CASP8: variants seen among roughly 807,000 people sequenced by gnomAD.
CASP8 encodes the protein caspase-8.
A neutral mutation model predicts 46.3 loss-of-function variants in CASP8; 24 were observed. That is an observed-to-expected ratio of 0.52 (90% CI 0.38 to 0.73). CASP8 has a LOEUF of 0.73. CASP8 is among the 30% of genes least tolerant of loss of function. The pLI is 0.00. For missense variants in CASP8, 460 were observed against 559.0 expected, an observed-to-expected ratio of 0.82 and a Z score of 1.79; for synonymous variants, 188 against 200.4, an observed-to-expected ratio of 0.94 and a Z score of 0.52.
intron 2 of CASP8, among the ~76,000 whole-genome samples, chr2:201,236,685 C>T (rs1250987657): frequency 6.6e-6 from 1 of 152,060 alleles, no homozygotes; most frequent in East Asian, 1.9e-4. Context: ...ACCGCAGACT[C>T]AACCTCCCAG....
intron 2 of CASP8, among the ~76,000 whole-genome samples, chr2:201,253,735 A>C (rs957085040): frequency 4.6e-5 from 7 of 152,146 alleles, no homozygotes; most frequent in African/African-American, 1.7e-4. Flanking sequence ...GGGTATGGGC[A>C]TATAGTGCCT....
Position 201,274,779 on chromosome 2 carries a change from A to AATT in CASP8, c.596-109_596-107dup. ...GGCGTGAGCCCCTGTTCCCAGCTTG[A>AATT]ATTTTCATCTTAAAAAAGACCTTAT... On this transcript the variant is annotated intron_variant, in intron 5 of 8. Transcript: ENST00000673742. The AATT allele has an allele frequency of 3.3e-6, 3 of 896,918 alleles. No homozygotes were observed. In the South Asian group the frequency reaches 4.3e-5, roughly 13 times the overall value. 55.6% of individuals were successfully genotyped at this position (896,918 alleles called of 1,614,324 possible). A position where few individuals can be genotyped will look rare whatever the true frequency, so the allele number is the denominator to read the frequency against.
chr2:201,255,044 T>C (rs13402616), intron 2 of CASP8, among the ~76,000 whole-genome samples: 23,570 of 152,238 alleles, frequency 0.15, 3,192 homozygotes, highest in African/African-American at 0.36. Context: ...TGCTTCACAA[T>C]AGGAATTCAA....
intron 2 of CASP8, among the ~76,000 whole-genome samples, chr2:201,249,065 T>A (rs1411340870): frequency 6.6e-6 from 1 of 152,162 alleles, no homozygotes; most frequent in Non-Finnish European, 1.5e-5. Context: ...CCAATTTTTG[T>A]ATTTTTAGTA....
At chr2:201,273,055 T>TTTA in intron 5 of CASP8, 113 bp downstream of exon 5, 5 of 831,352 alleles carry the variant, frequency 6.0e-6, no homozygotes, top group Non-Finnish European at 9.4e-6. Context: ...TGCTCTACTT[T>TTTA]TTCTTTTTTT....
chr2:201,285,893 C>T (rs1949534948), intron 8 of CASP8, among the ~76,000 whole-genome samples: 2 of 152,128 alleles, frequency 1.3e-5, no homozygotes, highest in Non-Finnish European at 2.9e-5. Context: ...TGAGAATTTC[C>T]CGTAACTTAG....
chr2:201,286,403 A>G lies in CASP8; in HGVS notation c.1305-56A>G. 1.9e-6 allele frequency: 3 copies of G among 1,587,652 alleles called. No homozygotes were observed. In the South Asian group the frequency reaches 3.3e-5, roughly 18 times the overall value. On this transcript the variant is annotated intron_variant, in intron 8 of 8. Coordinates refer to ENST00000673742, the MANE Select transcript of CASP8 (RefSeq NM_001372051.1). The stretch of plus-strand genomic sequence containing the variant: ...TATCTCTGAGCACAGCAGAGGAGAC[A>G]GTTCATCAGTTGCTTTCCCCCACAG...
intron 2 of CASP8, among the ~76,000 whole-genome samples, chr2:201,249,358 C>T (rs1161141265): frequency 6.6e-6 from 1 of 152,146 alleles, no homozygotes; most frequent in African/African-American, 2.4e-5. Context: ...CACCTTTACC[C>T]ATGTATCAAG....
In CASP8 at chr2:201,272,971, T is replaced by C; in HGVS notation, c.595+29T>C. On this transcript the variant is annotated intron_variant, in intron 5 of 8. Transcript: ENST00000673742. This position sits in a 1 kb window ranked among gnomAD's most constrained non-coding sequence, Gnocchi z 4.4. ...ATGCTTGGAGATACATTTTCAAGAT[T>C]TAGTTAATTTACTATCTGGTACCTG... 1 of 1,601,066 alleles carries C rather than the reference T, an allele frequency of 6.2e-7. No homozygotes were observed. Among genetic ancestry groups the C allele is most frequent in the Non-Finnish European group, 8.6e-7 (1 of 1,168,758 alleles).
rs1948333857 is a variant in CASP8 at position 201,272,506 on chromosome 2, C to A, written c.412-132C>A. 1 of 967,172 alleles carries A rather than the reference C, an allele frequency of 1.0e-6. No individual in the cohort carries two copies. The highest frequency in any genetic ancestry group is 1.6e-6 in the Non-Finnish European group (1 of 625,324). 59.9% of individuals were successfully genotyped at this position (967,172 alleles called of 1,614,324 possible). A position where few individuals can be genotyped will look rare whatever the true frequency, so the allele number is the denominator to read the frequency against. On this transcript the variant is annotated intron_variant, in intron 3 of 8. Coordinates refer to ENST00000673742, the MANE Select transcript of CASP8 (RefSeq NM_001372051.1). This position sits in a 1 kb window ranked among gnomAD's most constrained non-coding sequence, Gnocchi z 4.4. ...TAGCCTGCTGGCTGTGAGAGACCAGCAGAAACTGTCAGAAACTTGGGAAGC... is the reference window on the plus strand; with the variant it reads ...TAGCCTGCTGGCTGTGAGAGACCAGAAGAAACTGTCAGAAACTTGGGAAGC...
At chr2:201,238,906 A>G (rs1393791595) in intron 2 of CASP8, among the ~76,000 whole-genome samples, 5 of 151,974 alleles carry the variant, frequency 3.3e-5, no homozygotes, top group African/African-American at 7.2e-5. Flanking sequence ...TAGGCAGAGG[A>G]CCCTGCGGCC....
chr2:201,273,032 A>G lies in CASP8; in HGVS notation c.595+90A>G, dbSNP rs995357438. On this transcript the variant is annotated intron_variant, in intron 5 of 8. Transcript: ENST00000673742. ...CCCCACAGCCTTCTACCACATGCAC[A>G]TCTTAACGTGCCTGCTCTACTTTTT... 4 of 1,041,348 alleles carry G rather than the reference A, an allele frequency of 3.8e-6. 1 individual carries two copies. The highest frequency in any genetic ancestry group is 2.6e-5 in the South Asian group (2 of 78,228). The allele number at this position is 1,041,348 out of a possible 1,614,324, so 64.5% of individuals were successfully genotyped here. A position where few individuals can be genotyped will look rare whatever the true frequency, so the allele number is the denominator to read the frequency against.
intron 7 of CASP8, among the ~76,000 whole-genome samples, chr2:201,282,695 G>C (rs1440370805): frequency 2.5e-5 from 2 of 79,032 alleles, no homozygotes; most frequent in Non-Finnish European, 6.2e-5. Flanking sequence ...GCGGGGGGCT[G>C]TTCCCCCCAC....
At chr2:201,253,849 A>T (rs547295262) in intron 2 of CASP8, among the ~76,000 whole-genome samples, 3 of 152,178 alleles carry the variant, frequency 2.0e-5, no homozygotes, top group Admixed American at 2.0e-4. Flanking sequence ...TGGGAAGCCG[A>T]GGTGGGTCGA....
chr2:201,249,599 G>C (rs1946686076), intron 2 of CASP8, among the ~76,000 whole-genome samples: 1 of 152,186 alleles, frequency 6.6e-6, no homozygotes, highest in South Asian at 2.1e-4. Context: ...TAACAGATTA[G>C]CTTAATCAGA....
At position 201,286,676 on chromosome 2, in the gene CASP8, C is replaced by T. The variant is rs1006400633; in HGVS notation, c.*82C>T. The T allele has an allele frequency of 1.5e-4, 192 of 1,256,872 alleles. No homozygotes were observed. The highest frequency in any genetic ancestry group is 1.2e-3 in the East Asian group (47 of 38,652). 77.9% of individuals were successfully genotyped at this position (1,256,872 alleles called of 1,614,324 possible). A position where few individuals can be genotyped will look rare whatever the true frequency, so the allele number is the denominator to read the frequency against. The stretch of plus-strand genomic sequence containing the variant: ...TGTCGCCCAGGCTGGAGTGCAGTGG[C>T]GTGATCTCGGCTCACCGCAAGCTCC... On this transcript the variant is annotated 3_prime_UTR_variant, in exon 9 of 9. Transcript: ENST00000673742.
At chr2:201,249,778 C>A (rs1946696810) in intron 2 of CASP8, among the ~76,000 whole-genome samples, 1 of 152,124 alleles carries the variant, frequency 6.6e-6, no homozygotes. Flanking sequence ...ATACCCTCTG[C>A]CTCCTACACT....
chr2:201,258,409 C>A, upstream of CASP8: 1 of 1,613,596 alleles, frequency 6.2e-7, no homozygotes, highest in South Asian at 1.1e-5. Context: ...AAGGTGGCCT[C>A]TTCAACAGGA....
At chr2:201,264,648 A>G (rs1487636434) in intron 1 of CASP8, among the ~76,000 whole-genome samples, 2 of 152,142 alleles carry the variant, frequency 1.3e-5, no homozygotes, top group Non-Finnish European at 2.9e-5. Context: ...AGCCCAGACA[A>G]TTATCATGCC....
Sources: allele counts gnomAD v4.1 joint callset (sites outside exome capture counted in the v4.1 genomes callset), GRCh38; gene constraint gnomAD v4.1.1; non-coding constraint Gnocchi (gnomAD v3.1); transcripts MANE v1.5; gene names NCBI Gene and HGNC (gene_info 2026-07-23, HGNC 2026-07-21).